KCNJ5: variants seen among roughly 807,000 people sequenced by gnomAD.
KCNJ5 encodes G protein-activated inward rectifier potassium channel 4.
A neutral mutation model predicts 20.2 loss-of-function variants in KCNJ5; 12 were observed. That is an observed-to-expected ratio of 0.59 (90% CI 0.38 to 0.96). The LOEUF (loss-of-function observed/expected upper bound fraction) is 0.96, where lower values mean the gene tolerates loss of function less well. Among genes scored for constraint, KCNJ5 ranks in the 40% least tolerant of loss-of-function variants. The probability of loss-of-function intolerance (pLI) is 0.00; values close to 1 mark genes in which losing one functional copy is unlikely to be tolerated. For synonymous variants in KCNJ5, 210 were observed against 213.9 expected (o/e 0.98, Z 0.16); for missense variants, 449 against 557.6 (o/e 0.81, Z 1.96).
At chr11:128,906,367 G>C (rs911887221) in intron 1 of KCNJ5, among the ~76,000 whole-genome samples, 7 of 152,134 alleles carry the variant, frequency 4.6e-5, no homozygotes, top group African/African-American at 1.7e-4. Flanking sequence ...CATAACAGAT[G>C]ACCACAGACA....
chr11:128,904,434 T>C, intron 1 of KCNJ5: 1 of 1,614,180 alleles, frequency 6.2e-7, no homozygotes, highest in Non-Finnish European at 8.5e-7. Flanking sequence ...TCATTACCTG[T>C]TGGAGTCACC....
intron 1 of KCNJ5, among the ~76,000 whole-genome samples, chr11:128,895,890 G>A (rs984681150): frequency 2.6e-5 from 4 of 152,188 alleles, no homozygotes; most frequent in African/African-American, 9.7e-5. Context: ...AGGAGCCCAG[G>A]GAGGGGTTTG....
At chr11:128,894,521 A>G (rs1279722828) in intron 1 of KCNJ5, among the ~76,000 whole-genome samples, 1 of 152,248 alleles carries the variant, frequency 6.6e-6, no homozygotes, top group East Asian at 1.9e-4. Flanking sequence ...GATAACTGTT[A>G]AGATAGTCGT....
rs148462487 is a variant in KCNJ5 at position 128,911,976 on chromosome 11, C to T, written c.703C>T (p.Arg235Trp). Reference protein sequence around the residue: ...RNSHIVEASIRAKLIKSRQTK... With the variant: ...RNSHIVEASIWAKLIKSRQTK... ...CTCCCACATCGTGGAGGCCTCCATC[C>T]GGGCCAAGCTCATCAAGTCCCGGCA... The change falls in exon 2 of 3, where the codon CGG (arginine) becomes TGG (tryptophan). Residue 235 changes from arginine (R) to tryptophan (W), a missense_variant. By Grantham distance (101) the Arg-to-Trp change is moderately radical. Transcript: ENST00000529694. The surrounding 1 kb of genome is among the most constrained non-coding windows in gnomAD (Gnocchi z 6.3). 6 of 1,601,762 alleles carry T rather than the reference C, an allele frequency of 3.7e-6. No homozygotes were observed. Among genetic ancestry groups the T allele is most frequent in the Non-Finnish European group, 5.1e-6 (6 of 1,172,232 alleles).
rs200933370 is a variant in KCNJ5, at chr11:128,911,939, C to T, written c.666C>T (p.Gly222=). The T allele has an allele frequency of 3.1e-6, 5 of 1,598,608 alleles. No individual in the cohort carries two copies. Among genetic ancestry groups the T allele is most frequent in the Non-Finnish European group, 3.4e-6 (4 of 1,170,550 alleles). ...DEKLCLMFRV[G]DLRNSHIVEA... ...AGCTGTGCCTCATGTTCCGGGTGGG[C>T]GACCTCCGCAACTCCCACATCGTGG... Residue 222 remains glycine, a synonymous_variant, in exon 2 of 3, where the codon GGC becomes GGT. Coordinates refer to ENST00000529694, the MANE Select transcript of KCNJ5 (RefSeq NM_000890.5). The surrounding 1 kb of genome is among the most constrained non-coding windows in gnomAD (Gnocchi z 6.3).
In KCNJ5 at chr11:128,911,209, T is replaced by C. The variant is rs1030639095; in HGVS notation, c.-10-55T>C. 7.1e-5 allele frequency: 103 copies of C among 1,448,308 alleles called. No homozygotes were observed. Among genetic ancestry groups the C allele is most frequent in the Non-Finnish European group, 9.6e-5 (99 of 1,032,170 alleles). 89.7% of individuals were successfully genotyped at this position (1,448,308 alleles called of 1,614,324 possible). A position where few individuals can be genotyped will look rare whatever the true frequency, so the allele number is the denominator to read the frequency against. On this transcript the variant is annotated intron_variant, in intron 1 of 2. Transcript: ENST00000529694. This position sits in a 1 kb window ranked among gnomAD's most constrained non-coding sequence, Gnocchi z 6.3. ...GGGGTGGGGGTGGCCTTCCATCTTG[T>C]GTTCTAGTGAATCAGAACAGCCCAC... is the stretch of plus-strand genomic sequence containing the variant.
Position 128,911,471 on chromosome 11 carries a change from C to T in KCNJ5, c.198C>T (p.Asn66=), listed in dbSNP as rs371347693. 77 of 1,614,256 alleles carry T rather than the reference C, an allele frequency of 4.8e-5. No homozygotes were observed. Among genetic ancestry groups the T allele is most frequent in the Non-Finnish European group, 5.9e-5 (70 of 1,180,042 alleles). The change falls in exon 2 of 3, where the codon AAC becomes AAT. Residue 66 remains asparagine (N), a synonymous_variant. Coordinates refer to ENST00000529694, the MANE Select transcript of KCNJ5 (RefSeq NM_000890.5). The surrounding 1 kb of genome is among the most constrained non-coding windows in gnomAD (Gnocchi z 6.3). ...KSGKCNVHHG[N]VQETYRYLSD... Reference sequence around the variant, plus strand: ...GCAAGTGCAACGTGCACCACGGCAACGTCCAGGAGACCTACCGGTACCTGA... The same window carrying T: ...GCAAGTGCAACGTGCACCACGGCAATGTCCAGGAGACCTACCGGTACCTGA...
At chr11:128,916,371 T>C in intron 2 of KCNJ5, 38 bp from the exon 3 acceptor site, 1 of 1,440,852 alleles carries the variant, frequency 6.9e-7, no homozygotes, top group Non-Finnish European at 9.8e-7. Context: ...GATGGATGGA[T>C]GATTGCATCA....
rs533271759 is a variant in KCNJ5 at position 128,897,746 on chromosome 11, G to A, written c.-11+6025G>A. Reference sequence around the variant, plus strand: ...CTTTGCCTGCCCTAGATCTTGAAGAGTGTCTCCCATGTTTTTCTCTAGAAA... The same window carrying A: ...CTTTGCCTGCCCTAGATCTTGAAGAATGTCTCCCATGTTTTTCTCTAGAAA... On this transcript the variant is annotated intron_variant, in intron 1 of 2. Transcript: ENST00000529694. Among the ~76,000 whole-genome samples the A allele has an allele frequency of 4.6e-5, 7 of 152,296 alleles. 1 individual carries two copies. In the East Asian group the frequency reaches 1.3e-3, roughly 29 times the overall value.
At chr11:128,898,484 C>T (rs1047988216) in intron 1 of KCNJ5, among the ~76,000 whole-genome samples, 5 of 152,258 alleles carry the variant, frequency 3.3e-5, no homozygotes, top group Non-Finnish European at 5.9e-5. Flanking sequence ...AATAAGTTAG[C>T]GCATGAGCAG....
rs886048000 is a variant in KCNJ5 at position 128,891,439 on chromosome 11, C to CAGAGAGAGAGAGAGAGAG, written c.-292_-291insGAGAGAGAGAGAGAGAGA. The CAGAGAGAGAGAGAGAGAG allele has an allele frequency of 1.7e-4, 12 of 68,772 alleles. No individual in the cohort carries two copies. Among genetic ancestry groups the CAGAGAGAGAGAGAGAGAG allele is most frequent in the African/African-American group, 2.6e-4 (4 of 15,178 alleles). The allele number at this position is 68,772 out of a possible 1,614,324, so 4.3% of individuals were successfully genotyped here. ...ACACACACACACACACACACACACA[C>CAGAGAGAGAGAGAGAGAG]ACAGAGAGAGAGAGAGAGAGAGAGA... On this transcript the variant is annotated 5_prime_UTR_variant, in exon 1 of 3. Transcript: ENST00000529694.
At chr11:128,894,122 G>T (rs929114126) in intron 1 of KCNJ5, among the ~76,000 whole-genome samples, 1 of 151,680 alleles carries the variant, frequency 6.6e-6, no homozygotes, top group Non-Finnish European at 1.5e-5. Flanking sequence ...TGCGGTGGGC[G>T]AAGCCACAAA....
chr11:128,903,674 G>GT (rs1944334907), intron 1 of KCNJ5, among the ~76,000 whole-genome samples: 1 of 152,228 alleles, frequency 6.6e-6, no homozygotes, highest in Non-Finnish European at 1.5e-5. Flanking sequence ...TACCTGGGAT[G>GT]CATGGACATC....
chr11:128,906,660 C>G (rs1211331221), intron 1 of KCNJ5, among the ~76,000 whole-genome samples: 4 of 152,200 alleles, frequency 2.6e-5, no homozygotes, highest in Admixed American at 2.0e-4. Flanking sequence ...TGCCGTGTGG[C>G]CCCCTCCATC....
intron 1 of KCNJ5, among the ~76,000 whole-genome samples, chr11:128,897,245 G>A (rs12576313): frequency 0.5 from 75,280 of 151,462 alleles, 19,219 homozygotes; most frequent in Middle Eastern, 0.59. Context: ...CTACAGGTGC[G>A]TGCCACCATG....
intron 1 of KCNJ5, among the ~76,000 whole-genome samples, chr11:128,893,409 G>A (rs935544480): frequency 7.3e-5 from 11 of 151,550 alleles, no homozygotes; most frequent in African/African-American, 1.9e-4. Flanking sequence ...ACCAACTGGG[G>A]CAACATAGCA....
In KCNJ5 at chr11:128,913,923, C is replaced by T. The variant is rs1275491665; in HGVS notation, c.937+1713C>T. On this transcript the variant is annotated intron_variant, in intron 2 of 2. Transcript: ENST00000529694. The stretch of plus-strand genomic sequence containing the variant: ...GCAGGGGACTCAGACCCAGACTGCA[C>T]AAGCCTTCCCATTTTGAAGTTGGTG... Among the ~76,000 whole-genome samples, 4 of 152,230 alleles carry T rather than the reference C, an allele frequency of 2.6e-5. No homozygotes were observed. In the East Asian group the frequency reaches 5.8e-4, roughly 22 times the overall value.
intron 1 of KCNJ5, among the ~76,000 whole-genome samples, chr11:128,910,307 T>C (rs1944477418): frequency 6.6e-6 from 1 of 152,208 alleles, no homozygotes. Context: ...TTACGCCCTT[T>C]GAAGAGCTTT....
At position 128,911,791 on chromosome 11, in the gene KCNJ5, T is replaced by G. The variant is rs1371805585; in HGVS notation, c.518T>G (p.Ile173Ser). 1 of 1,614,096 alleles carries G rather than the reference T, an allele frequency of 6.2e-7. No homozygotes were observed. Among genetic ancestry groups the G allele is most frequent in the Admixed American group, 1.7e-5 (1 of 60,006 alleles). ...ATTATACTCCTCTTGGTCCAGGCCA[T>G]CCTGGGCTCCATCGTCAATGCCTTC... is the stretch of plus-strand genomic sequence containing the variant. ...EGIILLLVQA[I>S]LGSIVNAFMV... The change falls in exon 2 of 3, where the codon ATC becomes AGC. Residue 173 changes from isoleucine (I) to serine (S), a missense_variant. Coordinates refer to ENST00000529694, the MANE Select transcript of KCNJ5 (RefSeq NM_000890.5). The surrounding 1 kb of genome is among the most constrained non-coding windows in gnomAD (Gnocchi z 6.3).
Sources: gnomAD v4.1 joint callset for allele counts (sites outside exome capture counted in the v4.1 genomes callset) on GRCh38, gnomAD v4.1.1 for gene constraint, Gnocchi (gnomAD v3.1) non-coding constraint, MANE v1.5 for transcripts, NCBI Gene and HGNC (gene_info 2026-07-23, HGNC 2026-07-21) for gene names.